CTNNA3: variants seen among roughly 807,000 people sequenced by gnomAD.
CTNNA3 encodes the protein catenin alpha-3.
CTNNA3 carries 76 observed loss-of-function variants against 95.7 expected under a neutral mutation model. The observed-to-expected ratio is 0.79, with a 90% CI of 0.66 to 0.96. CTNNA3 has a LOEUF of 0.96. Among genes scored for constraint, CTNNA3 ranks in the 40% least tolerant of loss-of-function variants. The pLI is 0.00. For synonymous variants in CTNNA3, 431 were observed against 374.4 expected (o/e 1.15, Z -1.74); for missense variants, 1,191 against 1,089.8 (o/e 1.09, Z -1.31).
At chr10:66,152,521 G>A (rs2084259232) in intron 13 of CTNNA3, among the ~76,000 whole-genome samples, 1 of 151,770 alleles carries the variant, frequency 6.6e-6, no homozygotes, top group Middle Eastern at 3.2e-3. Context: ...CTAACAACAT[G>A]TATTCTGAAT....
At chr10:67,316,687 C>T (rs1185640465) in intron 5 of CTNNA3, among the ~76,000 whole-genome samples, 1 of 151,950 alleles carries the variant, frequency 6.6e-6, no homozygotes, top group East Asian at 1.9e-4. Context: ...CAGCAACCAC[C>T]CTAAAGATGA....
chr10:66,167,978 A>G (rs1398402780), intron 13 of CTNNA3, among the ~76,000 whole-genome samples: 1 of 152,176 alleles, frequency 6.6e-6, no homozygotes, highest in Non-Finnish European at 1.5e-5. Context: ...AGATGCAATC[A>G]TGGGTTTCAG....
intron 15 of CTNNA3, among the ~76,000 whole-genome samples, chr10:65,993,269 A>G (rs1003623853): frequency 6.6e-6 from 1 of 152,228 alleles, no homozygotes; most frequent in Non-Finnish European, 1.5e-5. Flanking sequence ...TGTGGTCTAA[A>G]GTGCAGTTTA....
intron 1 of CTNNA3, among the ~76,000 whole-genome samples, chr10:67,752,241 G>A (rs1374570147): frequency 6.6e-6 from 1 of 152,152 alleles, no homozygotes; most frequent in Non-Finnish European, 1.5e-5. Context: ...TATCTCAACA[G>A]ACGCAGAAAA....
At chr10:66,757,055 T>C (rs374116866) in intron 9 of CTNNA3, among the ~76,000 whole-genome samples, 1 of 152,196 alleles carries the variant, frequency 6.6e-6, no homozygotes, top group Non-Finnish European at 1.5e-5. Context: ...TTGAGAAATG[T>C]GAATGTCTGT....
intron 5 of CTNNA3, among the ~76,000 whole-genome samples, chr10:67,350,114 G>T (rs374222773): frequency 6.6e-6 from 1 of 152,214 alleles, no homozygotes; most frequent in African/African-American, 2.4e-5. Flanking sequence ...GTCTTATCAT[G>T]ACCTATTTGA....
At chr10:67,154,481 T>G (rs1861213220) in intron 7 of CTNNA3, among the ~76,000 whole-genome samples, 1 of 152,210 alleles carries the variant, frequency 6.6e-6, no homozygotes, top group African/African-American at 2.4e-5. Flanking sequence ...ATAAGAGCTT[T>G]GCCTTTGAAT....
chr10:67,352,856 A>G (rs372485394), intron 5 of CTNNA3, among the ~76,000 whole-genome samples: 21 of 152,074 alleles, frequency 1.4e-4, no homozygotes, highest in African/African-American at 4.8e-4. Context: ...TTTCCATTCT[A>G]TCCGTCACAG....
intron 5 of CTNNA3, among the ~76,000 whole-genome samples, chr10:67,317,051 A>G (rs567691747): frequency 6.8e-4 from 103 of 152,216 alleles, no homozygotes; most frequent in Non-Finnish European, 1.1e-3. Flanking sequence ...TAAAAGCAGT[A>G]AATGTTTCAA....
chr10:66,651,767 C>T (rs931832683), intron 9 of CTNNA3, among the ~76,000 whole-genome samples: 3 of 152,168 alleles, frequency 2.0e-5, no homozygotes, highest in Non-Finnish European at 2.9e-5. Flanking sequence ...AGTGCGGGGC[C>T]AGCCAAGCCC....
At chr10:66,767,451 C>CA (rs1564669337) in intron 8 of CTNNA3, among the ~76,000 whole-genome samples, 4 of 68,664 alleles carry the variant, frequency 5.8e-5, no homozygotes, top group African/African-American at 2.9e-4. Flanking sequence ...ATCCACTCCC[C>CA]CCGACAAAAA....
In CTNNA3 at chr10:67,562,846, C is replaced by A. The variant is rs552039507; in HGVS notation, c.293-23177G>T. ...CACAAGCATTCTTATACACCAATAA[C>A]AGACAAACAGAGAGCCAAATCATGA... On this transcript the variant is annotated intron_variant, in intron 3 of 17. Transcript: ENST00000433211. 2.0e-5 allele frequency among the ~76,000 whole-genome samples: 3 copies of A among 152,176 alleles called. No homozygotes were observed. In the East Asian group the frequency reaches 5.8e-4, roughly 29 times the overall value.
intron 5 of CTNNA3, among the ~76,000 whole-genome samples, chr10:67,318,604 C>T (rs554823806): frequency 2.0e-5 from 3 of 152,210 alleles, no homozygotes; most frequent in Non-Finnish European, 4.4e-5. Context: ...TCACTCTGCT[C>T]CAGCTACATT....
At chr10:66,184,409 A>C (rs1241756286) in intron 13 of CTNNA3, among the ~76,000 whole-genome samples, 1 of 152,196 alleles carries the variant, frequency 6.6e-6, no homozygotes, top group African/African-American at 2.4e-5. Context: ...TCTGCCTCTG[A>C]GGTAATATAG....
At chr10:67,502,163 C>T (rs1839253810) in intron 5 of CTNNA3, among the ~76,000 whole-genome samples, 1 of 152,066 alleles carries the variant, frequency 6.6e-6, no homozygotes, top group Admixed American at 6.6e-5. Context: ...GTGTGGATGT[C>T]CTTTTTGTTG....
intron 10 of CTNNA3, among the ~76,000 whole-genome samples, chr10:66,615,642 A>G (rs921456024): frequency 4.9e-4 from 74 of 152,042 alleles, no homozygotes; most frequent in African/African-American, 1.5e-3. Flanking sequence ...ATAAATATAA[A>G]GTAGTAAATA....
chr10:66,459,681 C>T (rs2093515911), intron 11 of CTNNA3, among the ~76,000 whole-genome samples: 1 of 152,156 alleles, frequency 6.6e-6, no homozygotes, highest in African/African-American at 2.4e-5. Context: ...TAGCCTGTTG[C>T]TTCTAGGCTA....
intron 5 of CTNNA3, among the ~76,000 whole-genome samples, chr10:67,261,084 T>C (rs1201378269): frequency 2.0e-5 from 3 of 152,202 alleles, no homozygotes; most frequent in Non-Finnish European, 4.4e-5. Context: ...AGCCTGTCTA[T>C]AAGTCATCTT....
chr10:66,249,214 C>T (rs1473720451), intron 13 of CTNNA3, among the ~76,000 whole-genome samples: 2 of 151,942 alleles, frequency 1.3e-5, no homozygotes, highest in African/African-American at 4.8e-5. Flanking sequence ...TGAGTGTGGG[C>T]AAAGATTTCT....
Sources: allele counts gnomAD v4.1 joint callset (sites outside exome capture counted in the v4.1 genomes callset), GRCh38; gene constraint gnomAD v4.1.1; transcripts MANE v1.5; gene names NCBI Gene and HGNC (gene_info 2026-07-23, HGNC 2026-07-21).